The following ITGA11 variants were observed in gnomAD, a reference collection of about 807,000 sequenced individuals.
ITGA11 encodes integrin alpha-11.
ITGA11 carries 97 observed loss-of-function variants against 141.9 expected under a neutral mutation model. The observed-to-expected ratio is 0.68, with a 90% CI of 0.58 to 0.81. The LOEUF is 0.81. ITGA11 is among the 30% of genes least tolerant of loss of function. The pLI is 0.00. For missense variants in ITGA11, 1,387 were observed against 1,559.2 expected, an observed-to-expected ratio of 0.89 and a Z score of 1.86; for synonymous variants, 658 against 624.6, an observed-to-expected ratio of 1.05 and a Z score of -0.80.
Position 68,402,902 on chromosome 15 carries a change from G to A in ITGA11, c.164+16C>T, listed in dbSNP as rs371882624. 2.3e-4 allele frequency: 355 copies of A among 1,572,436 alleles called. No individual in the cohort carries two copies. Among genetic ancestry groups the A allele is most frequent in the Non-Finnish European group, 2.9e-4 (327 of 1,145,302 alleles). On this transcript the variant is annotated intron_variant, in intron 2 of 29. Transcript: ENST00000315757. ...GAATGGTACAGGGCTGGGTGTGGGCGGCCGCTCTCACTCACCACTTATTGC... is the reference window on the plus strand; with the variant it reads ...GAATGGTACAGGGCTGGGTGTGGGCAGCCGCTCTCACTCACCACTTATTGC...
chr15:68,376,006 A>G (rs746573215), intron 2 of ITGA11, among the ~76,000 whole-genome samples: 5 of 152,148 alleles, frequency 3.3e-5, no homozygotes, highest in African/African-American at 9.7e-5. Flanking sequence ...CAGACCATCA[A>G]CAGAGGCTGA....
In ITGA11 at chr15:68,425,942, AT is replaced by A. The variant is rs554210493; in HGVS notation, c.52+6072del. Among the ~76,000 whole-genome samples the A allele has an allele frequency of 2.3e-3, 351 of 152,262 alleles. 3 individuals are homozygous for A. Among genetic ancestry groups the A allele is most frequent in the African/African-American group, 8.2e-3 (342 of 41,544 alleles). ...TAGCAACTTGCCTAATTCACCCCAC[AT>A]GCCACGTGGAAAAACCTCTGCCCGC... On this transcript the variant is annotated intron_variant, in intron 1 of 29. Transcript: ENST00000315757.
At chr15:68,392,855 A>T (rs1377813084) in intron 2 of ITGA11, among the ~76,000 whole-genome samples, 2 of 152,252 alleles carry the variant, frequency 1.3e-5, no homozygotes, top group Admixed American at 1.3e-4. Context: ...CAAAATGAGT[A>T]AATAATCAGG....
intron 14 of ITGA11, 21 bp downstream of exon 14, chr15:68,331,838 G>C: frequency 6.3e-7 from 1 of 1,598,628 alleles, no homozygotes; most frequent in South Asian, 1.1e-5. Context: ...TGCTCCATCC[G>C]CTTCCCCAGG....
At chr15:68,417,104 G>A (rs956191591) in intron 1 of ITGA11, among the ~76,000 whole-genome samples, 2 of 151,946 alleles carry the variant, frequency 1.3e-5, no homozygotes, top group Admixed American at 6.6e-5. Context: ...CCGAGCTCCT[G>A]AGGACCCCAT....
rs35808090 is a variant in ITGA11 at position 68,320,047 on chromosome 15, C to A, written c.2616+138G>T. On this transcript the variant is annotated intron_variant, in intron 20 of 29. Coordinates refer to ENST00000315757, the MANE Select transcript of ITGA11 (RefSeq NM_001004439.2). ...TCAAGTGATCCTCCCACCTCAGCCT[C>A]CCAAAGTGCTAGGATTACAGGCATG... is the stretch of plus-strand genomic sequence containing the variant. The A allele has an allele frequency of 0.67, 486,046 of 725,014 alleles. 177,915 individuals are homozygous for A. The highest frequency in any genetic ancestry group is 0.77 in the Non-Finnish European group (337,034 of 435,030). The allele number at this position is 725,014 out of a possible 1,614,324, so 44.9% of individuals were successfully genotyped here. A position where few individuals can be genotyped will look rare whatever the true frequency, so the allele number is the denominator to read the frequency against.
chr15:68,392,912 G>A (rs556653207), intron 2 of ITGA11, among the ~76,000 whole-genome samples: 1 of 152,122 alleles, frequency 6.6e-6, no homozygotes, highest in Non-Finnish European at 1.5e-5. Flanking sequence ...AAGCAGACCA[G>A]AGATGATCCA....
chr15:68,390,361 G>A (rs913657954), intron 2 of ITGA11, among the ~76,000 whole-genome samples: 11 of 152,198 alleles, frequency 7.2e-5, no homozygotes, highest in South Asian at 2.1e-4. Flanking sequence ...GGTGCCTGAG[G>A]TGGGAGTCAG....
chr15:68,394,788 TA>T (rs1423350440), intron 2 of ITGA11, among the ~76,000 whole-genome samples: 15 of 152,198 alleles, frequency 9.9e-5, no homozygotes, highest in Admixed American at 6.5e-4. Flanking sequence ...AATAGGAGGC[TA>T]ATATGAATAT....
At chr15:68,402,380 T>G (rs1896533180) in intron 2 of ITGA11, among the ~76,000 whole-genome samples, 1 of 151,930 alleles carries the variant, frequency 6.6e-6, no homozygotes, top group Admixed American at 6.6e-5. Flanking sequence ...AATGAGTGAG[T>G]TAGATGATAA....
Position 68,305,288 on chromosome 15 carries a change from G to A in ITGA11, c.3382-1403C>T, listed in dbSNP as rs149021150. Among the ~76,000 whole-genome samples the A allele has an allele frequency of 5.4e-4, 83 of 152,314 alleles. 1 individual carries two copies. In the East Asian group the frequency reaches 0.013, roughly 25 times the overall value. ...GTCTCTGTCTGATGTCACTTTATTG[G>A]AGAGGCTTTTCCCAACTCCCCTGTA... On this transcript the variant is annotated intron_variant, in intron 28 of 29. Transcript: ENST00000315757. This position sits in a 1 kb window ranked among gnomAD's most constrained non-coding sequence, Gnocchi z 4.6.
In ITGA11 at chr15:68,301,042, A is replaced by G. The variant is rs1893013093; in HGVS notation, c.*2017T>C. 1 of 152,188 alleles carries G rather than the reference A, an allele frequency of 6.6e-6. No individual in the cohort carries two copies. Among genetic ancestry groups the G allele is most frequent in the Non-Finnish European group, 1.5e-5 (1 of 68,022 alleles). The allele number at this position is 152,188 out of a possible 1,614,324, so 9.4% of individuals were successfully genotyped here. A position where few individuals can be genotyped will look rare whatever the true frequency, so the allele number is the denominator to read the frequency against. The stretch of plus-strand genomic sequence containing the variant: ...GACGGAAATGGAATATGATTTAGCA[A>G]CATTTCCTTCTGATTCTATTAGAAG... On this transcript the variant is annotated 3_prime_UTR_variant, in exon 30 of 30. Coordinates refer to ENST00000315757, the MANE Select transcript of ITGA11 (RefSeq NM_001004439.2). This position sits in a 1 kb window ranked among gnomAD's most constrained non-coding sequence, Gnocchi z 4.4.
chr15:68,382,335 C>T (rs902671090), intron 2 of ITGA11, among the ~76,000 whole-genome samples: 2 of 152,174 alleles, frequency 1.3e-5, no homozygotes, highest in Non-Finnish European at 2.9e-5. Context: ...GGAGCTGGGC[C>T]GGGCCACCAG....
chr15:68,319,077 G>T (rs1323318296), intron 20 of ITGA11, among the ~76,000 whole-genome samples: 2 of 152,254 alleles, frequency 1.3e-5, no homozygotes, highest in African/African-American at 4.8e-5. Flanking sequence ...TGCTATGCGG[G>T]CTGGAGGGCC....
intron 2 of ITGA11, among the ~76,000 whole-genome samples, chr15:68,400,774 TAATA>T (rs1425251414): frequency 7.0e-5 from 2 of 28,690 alleles, no homozygotes; most frequent in Non-Finnish European, 1.1e-4. Context: ...ATATATTATA[TAATA>T]AATATTATAT....
intron 2 of ITGA11, among the ~76,000 whole-genome samples, chr15:68,386,953 C>T (rs1217617585): frequency 6.6e-6 from 1 of 151,934 alleles, no homozygotes; most frequent in Non-Finnish European, 1.5e-5. Flanking sequence ...GCCGCCCCCT[C>T]ACCCCCTATC....
At position 68,348,688 on chromosome 15, in the gene ITGA11, G is replaced by C. The variant is rs1894811976; in HGVS notation, c.1131+142C>G. 6 of 691,712 alleles carry C rather than the reference G, an allele frequency of 8.7e-6. 1 individual carries two copies. Among genetic ancestry groups the C allele is most frequent in the South Asian group, 7.2e-5 (4 of 55,528 alleles). The allele number at this position is 691,712 out of a possible 1,614,324, so 42.8% of individuals were successfully genotyped here. ...CAGCCCACAGAAGATGGGAGGCAGA[G>C]AGACCCCAAGAAAGAGAGAAAGTGA... On this transcript the variant is annotated intron_variant, in intron 10 of 29. Coordinates refer to ENST00000315757, the MANE Select transcript of ITGA11 (RefSeq NM_001004439.2).
chr15:68,318,727 A>AGG (rs138197357), intron 20 of ITGA11, among the ~76,000 whole-genome samples: 2 of 149,490 alleles, frequency 1.3e-5, no homozygotes, highest in South Asian at 2.1e-4. Flanking sequence ...GTGGCAAGCA[A>AGG]GGGGGGGGCA....
chr15:68,422,357 G>A (rs539282771), intron 1 of ITGA11, among the ~76,000 whole-genome samples: 2 of 152,166 alleles, frequency 1.3e-5, no homozygotes, highest in South Asian at 2.1e-4. Context: ...TGGTGACACC[G>A]TCCTTGGTCT....
Sources: allele counts gnomAD v4.1 joint callset (sites outside exome capture counted in the v4.1 genomes callset), GRCh38; gene constraint gnomAD v4.1.1; non-coding constraint Gnocchi (gnomAD v3.1); transcripts MANE v1.5; gene names NCBI Gene and HGNC (gene_info 2026-07-23, HGNC 2026-07-21).